Variants in ADAM12 observed in about 807,000 individuals in gnomAD.
The protein encoded by ADAM12 is disintegrin and metalloproteinase domain-containing protein 12.
Under a neutral mutation model 106.4 loss-of-function variants are expected in ADAM12, and 70 were observed. The ratio of observed to expected loss-of-function variants is 0.66; its 90% confidence interval spans 0.54 to 0.80. The LOEUF (loss-of-function observed/expected upper bound fraction) is 0.80. Ranked by LOEUF, ADAM12 falls within the 30% of genes least tolerant of loss-of-function variation. The pLI, the probability that ADAM12 is intolerant of heterozygous loss-of-function variation, is 0.00. For synonymous variants in ADAM12, 420 were observed against 433.5 expected (o/e 0.97, Z 0.39); for missense variants, 1,010 against 1,171.9 (o/e 0.86, Z 2.02).
chr10:126,387,881 T>C (rs1315951899), intron 1 of ADAM12, among the ~76,000 whole-genome samples, 177 bp downstream of exon 1: 1 of 100,512 alleles, frequency 9.9e-6, no homozygotes, highest in Admixed American at 1.0e-4. Context: ...CCCCAAGGAA[T>C]TGGCACCTGG....
intron 4 of ADAM12, among the ~76,000 whole-genome samples, chr10:126,151,521 A>AT (rs1275311564): frequency 6.6e-6 from 1 of 152,070 alleles, no homozygotes; most frequent in African/African-American, 2.4e-5. Flanking sequence ...TTTACTTAGG[A>AT]TTTTTGCAAC....
chr10:126,375,193 T>C (rs1856242873), intron 1 of ADAM12, among the ~76,000 whole-genome samples: 3 of 150,782 alleles, frequency 2.0e-5, no homozygotes, highest in Non-Finnish European at 2.9e-5. Context: ...CAATGAAGAC[T>C]ACTTCAATAA....
At chr10:126,345,005 T>C (rs1272920273) in intron 1 of ADAM12, among the ~76,000 whole-genome samples, 1 of 152,006 alleles carries the variant, frequency 6.6e-6, no homozygotes, top group African/African-American at 2.4e-5. Context: ...CCTAACTGAA[T>C]ACCCTTTATT....
At chr10:126,135,546 G>T (rs1163256873) in intron 5 of ADAM12, 38 bp downstream of exon 5, 2 of 1,589,282 alleles carry the variant, frequency 1.3e-6, no homozygotes, top group Non-Finnish European at 1.7e-6. Context: ...TGCAGTAGAT[G>T]GCTGAAGACT....
At chr10:126,302,432 G>A (rs73386720) in intron 2 of ADAM12, among the ~76,000 whole-genome samples, 3 of 152,088 alleles carry the variant, frequency 2.0e-5, no homozygotes, top group East Asian at 3.9e-4. Flanking sequence ...TTTATTATAC[G>A]ATACTTTGAA....
At chr10:126,196,672 A>G (rs758452118) in intron 3 of ADAM12, among the ~76,000 whole-genome samples, 20 of 152,310 alleles carry the variant, frequency 1.3e-4, no homozygotes, top group Middle Eastern at 3.4e-3. Flanking sequence ...TCAAATAACT[A>G]CAATACATAA....
rs895186040 is a variant in ADAM12, at chr10:126,064,572, G to C, written c.1609+234C>G. On this transcript the variant is annotated intron_variant, in intron 14 of 22. Coordinates refer to ENST00000448723, the MANE Select transcript of ADAM12 (RefSeq NM_001288973.2). This position sits in a 1 kb window ranked among gnomAD's most constrained non-coding sequence, Gnocchi z 4.4. ...GTGCTCCTGCAGCTCCTGTTGGACC[G>C]CACTGAGCTTCTTAAGGCCAGGCTC... 1.1e-4 allele frequency: 53 copies of C among 491,368 alleles called. No individual in the cohort carries two copies. In the South Asian group the frequency reaches 1.4e-3, roughly 13 times the overall value. 30.4% of individuals were successfully genotyped at this position (491,368 alleles called of 1,614,324 possible).
At chr10:126,189,721 G>T (rs1337041852) in intron 3 of ADAM12, among the ~76,000 whole-genome samples, 12 of 152,064 alleles carry the variant, frequency 7.9e-5, no homozygotes, top group Admixed American at 7.9e-4. Flanking sequence ...CTGCAGGCAG[G>T]CTTGCTGTGG....
chr10:126,323,032 G>A (rs1007301580), intron 2 of ADAM12, among the ~76,000 whole-genome samples: 1 of 152,150 alleles, frequency 6.6e-6, no homozygotes, highest in Non-Finnish European at 1.5e-5. Flanking sequence ...AACTGAGTGG[G>A]ACAGACCATA....
intron 12 of ADAM12, among the ~76,000 whole-genome samples, chr10:126,068,215 T>C (rs1262070832): frequency 6.6e-6 from 1 of 152,206 alleles, no homozygotes; most frequent in African/African-American, 2.4e-5. Flanking sequence ...AAGTAGTCCA[T>C]TAATTGCATT....
chr10:126,132,104 A>C (rs1956316181), intron 5 of ADAM12, among the ~76,000 whole-genome samples: 1 of 151,820 alleles, frequency 6.6e-6, no homozygotes. Flanking sequence ...CCTCCCAAGT[A>C]GCTGGGACTA....
At chr10:126,283,033 T>C (rs1959662566) in intron 2 of ADAM12, among the ~76,000 whole-genome samples, 1 of 151,670 alleles carries the variant, frequency 6.6e-6, no homozygotes, top group African/African-American at 2.4e-5. Flanking sequence ...GATGGTCCCA[T>C]ATGGGGGTGA....
chr10:126,370,957 G>C lies in ADAM12; in HGVS notation c.88+17101C>G, dbSNP rs530503208. Among the ~76,000 whole-genome samples, 259 of 152,324 alleles carry C rather than the reference G, an allele frequency of 1.7e-3. 7 individuals carry two copies. Among genetic ancestry groups the C allele is most frequent in the South Asian group, 9.7e-3 (47 of 4,824 alleles). ...ATTTTAACCACATAATTCATGTAAA[G>C]GGATTAGTCGAGAGTCTGCTGAATG... On this transcript the variant is annotated intron_variant, in intron 1 of 22. Coordinates refer to ENST00000448723, the MANE Select transcript of ADAM12 (RefSeq NM_001288973.2).
rs943885761 is a variant in ADAM12 at position 126,388,475 on chromosome 10, A to G, written c.-330T>C. The G allele has an allele frequency of 4.9e-6, 1 of 202,276 alleles. No homozygotes were observed. Among genetic ancestry groups the G allele is most frequent in the African/African-American group, 2.3e-5 (1 of 43,134 alleles). 12.5% of individuals were successfully genotyped at this position (202,276 alleles called of 1,614,324 possible). A position where few individuals can be genotyped will look rare whatever the true frequency, so the allele number is the denominator to read the frequency against. On this transcript the variant is annotated 5_prime_UTR_variant, in exon 1 of 23. Coordinates refer to ENST00000448723, the MANE Select transcript of ADAM12 (RefSeq NM_001288973.2). This position sits in a 1 kb window ranked among gnomAD's most constrained non-coding sequence, Gnocchi z 4.4. ...TTAGTGAGAGAAGGCAGGCCTGTGAAATGGATCCACGGCCAGCAGTCACCG... is the reference window on the plus strand; with the variant it reads ...TTAGTGAGAGAAGGCAGGCCTGTGAGATGGATCCACGGCCAGCAGTCACCG...
chr10:126,078,298 G>A (rs1955141844), intron 11 of ADAM12, among the ~76,000 whole-genome samples: 1 of 152,148 alleles, frequency 6.6e-6, no homozygotes, highest in Admixed American at 6.5e-5. Context: ...TCAAAGCACT[G>A]AAGAGGATCC....
intron 1 of ADAM12, among the ~76,000 whole-genome samples, chr10:126,381,937 T>C (rs1185268890): frequency 6.6e-6 from 1 of 150,614 alleles, no homozygotes; most frequent in Non-Finnish European, 1.5e-5. Flanking sequence ...ATTGCACCAC[T>C]GTACATCAGC....
At chr10:126,248,818 G>A (rs113205371) in intron 3 of ADAM12, among the ~76,000 whole-genome samples, 6,184 of 152,074 alleles carry the variant, frequency 0.041, 253 homozygotes, top group African/African-American at 0.098. Context: ...TGATTCTCCT[G>A]CCTCAGCCTC....
intron 3 of ADAM12, among the ~76,000 whole-genome samples, chr10:126,275,612 T>A (rs1959222073): frequency 6.6e-6 from 1 of 152,116 alleles, no homozygotes; most frequent in African/African-American, 2.4e-5. Context: ...TCTAAGCAGG[T>A]TTTTCAATTA....
chr10:126,173,831 C>T (rs541420901), intron 3 of ADAM12, among the ~76,000 whole-genome samples: 61 of 151,986 alleles, frequency 4.0e-4, no homozygotes, highest in African/African-American at 1.4e-3. Context: ...TCAGAAACCA[C>T]CTCAGGCCAA....
Sources: allele counts gnomAD v4.1 joint callset (sites outside exome capture counted in the v4.1 genomes callset), GRCh38; gene constraint gnomAD v4.1.1; non-coding constraint Gnocchi (gnomAD v3.1); transcripts MANE v1.5; gene names NCBI Gene and HGNC (gene_info 2026-07-23, HGNC 2026-07-21).